Variants in HDHD5 observed in about 807,000 individuals in gnomAD.
HDHD5 encodes haloacid dehalogenase like hydrolase domain containing 5.
In HDHD5, 34 loss-of-function variants were observed where a neutral mutation model predicts 35.5. That is an observed-to-expected ratio of 0.96 (90% CI 0.73 to 1.28). The LOEUF (loss-of-function observed/expected upper bound fraction) is 1.28, where lower values mean the gene tolerates loss of function less well. HDHD5 is among the 50% of genes most tolerant of loss of function. HDHD5 has a pLI of 0.00. For synonymous variants in HDHD5, 248 were observed against 240.6 expected, an observed-to-expected ratio of 1.03 and a Z score of -0.29; for missense variants, 589 against 560.2, an observed-to-expected ratio of 1.05 and a Z score of -0.52.
intron 1 of HDHD5, among the ~76,000 whole-genome samples, chr22:17,154,490 T>A (rs2061762542): frequency 6.6e-6 from 1 of 151,144 alleles, no homozygotes; most frequent in South Asian, 2.1e-4. Context: ...AAAAAATAAA[T>A]AAATAAAAAC....
upstream of HDHD5, chr22:17,159,286 G>GCC (rs746678755): frequency 0.02 from 20,193 of 1,035,200 alleles, 285 homozygotes; most frequent in African/African-American, 0.028. Flanking sequence ...ACGGCGTGCG[G>GCC]CCCCCCCCCC....
In HDHD5 at chr22:17,138,338, C is replaced by T. The variant is rs142416632; in HGVS notation, c.955G>A (p.Val319Ile). ...YAVGDNPMSD[V>I]YGANLFHQYL... ...TGGTGGAACAGGTTGGCGCCGTATA[C>T]GTCAGACATAGGGTTATCACTGGCA... Residue 319 changes from valine to isoleucine, a missense_variant, in exon 8 of 8, where the codon GTA (valine) becomes ATA (isoleucine). By Grantham distance (29) the Val-to-Ile change is conservative. Transcript: ENST00000336737. The T allele has an allele frequency of 5.6e-5, 91 of 1,613,546 alleles. No homozygotes were observed. The highest frequency in any genetic ancestry group is 3.6e-4 in the South Asian group (33 of 91,060).
Position 17,137,686 on chromosome 22 carries a change from A to C in HDHD5, c.*335T>G. The C allele has an allele frequency of 3.4e-6, 1 of 290,992 alleles. No individual in the cohort carries two copies. The highest frequency in any genetic ancestry group is 1.1e-3 in the Middle Eastern group (1 of 922). The allele number at this position is 290,992 out of a possible 1,614,324, so 18.0% of individuals were successfully genotyped here. A position where few individuals can be genotyped will look rare whatever the true frequency, so the allele number is the denominator to read the frequency against. Reference sequence around the variant, plus strand: ...AAGGCTCTGCACAGACATCCACAGTATTCCACACTGCCTCCCCCATTTCAG... The same window carrying C: ...AAGGCTCTGCACAGACATCCACAGTCTTCCACACTGCCTCCCCCATTTCAG... On this transcript the variant is annotated 3_prime_UTR_variant, in exon 8 of 8. Coordinates refer to ENST00000336737, the MANE Select transcript of HDHD5 (RefSeq NM_033070.3).
chr22:17,150,300 G>C (rs1311878040), intron 1 of HDHD5, among the ~76,000 whole-genome samples: 1 of 151,902 alleles, frequency 6.6e-6, no homozygotes, highest in Non-Finnish European at 1.5e-5. Flanking sequence ...TTTTATTATA[G>C]CAAAAAGTTA....
Position 17,154,431 on chromosome 22 carries a change from A to G in HDHD5, c.127-4686T>C, listed in dbSNP as rs370601041. On this transcript the variant is annotated intron_variant, in intron 1 of 7. Coordinates refer to ENST00000336737, the MANE Select transcript of HDHD5 (RefSeq NM_033070.3). ...GAGATGGTGTTTGCAGTAAGCCAAG[A>G]TCACATCGTTGCACTCCAGCCTGGG... Among the ~76,000 whole-genome samples, 42 of 151,910 alleles carry G rather than the reference A, an allele frequency of 2.8e-4. No homozygotes were observed. In the East Asian group the frequency reaches 7.8e-3, roughly 28 times the overall value.
chr22:17,148,324 G>T, intron 3 of HDHD5, 124 bp downstream of exon 3: 2 of 787,590 alleles, frequency 2.5e-6, no homozygotes, highest in Non-Finnish European at 2.2e-6. Context: ...CCTCCCCTGA[G>T]CCCACAACAT....
chr22:17,160,676 A>G (rs900890041), upstream of HDHD5, among the ~76,000 whole-genome samples: 21 of 151,806 alleles, frequency 1.4e-4, no homozygotes, highest in African/African-American at 4.6e-4. Context: ...TAATAATAAT[A>G]ATAAAATGAA....
At chr22:17,145,231 G>A (rs1426746733) in intron 3 of HDHD5, 114 bp from the exon 4 acceptor site, 32 of 1,523,012 alleles carry the variant, frequency 2.1e-5, no homozygotes, top group Non-Finnish European at 2.7e-5. Context: ...CCAGGCAGGA[G>A]GGCACCAAGC....
chr22:17,153,803 T>C (rs1015258346), intron 1 of HDHD5, among the ~76,000 whole-genome samples: 5 of 152,066 alleles, frequency 3.3e-5, no homozygotes, highest in African/African-American at 1.2e-4. Flanking sequence ...AAAGGATAAA[T>C]GGTTAGGGAG....
chr22:17,156,672 A>G (rs1415309951), intron 1 of HDHD5, among the ~76,000 whole-genome samples: 1 of 151,532 alleles, frequency 6.6e-6, no homozygotes, highest in East Asian at 1.9e-4. Flanking sequence ...GTTACTCCGG[A>G]GGCTGAGGCA....
At chr22:17,146,516 A>G (rs2061665521) in intron 3 of HDHD5, among the ~76,000 whole-genome samples, 1 of 136,936 alleles carries the variant, frequency 7.3e-6, no homozygotes, top group East Asian at 2.2e-4. Flanking sequence ...CCGGCCTTCA[A>G]TCACACGTCA....
At position 17,137,949 on chromosome 22, in the gene HDHD5, T is replaced by C; in HGVS notation, c.*72A>G. The C allele has an allele frequency of 7.5e-7, 1 of 1,327,578 alleles. No individual in the cohort carries two copies. Among genetic ancestry groups the C allele is most frequent in the Non-Finnish European group, 1.0e-6 (1 of 961,766 alleles). 82.2% of individuals were successfully genotyped at this position (1,327,578 alleles called of 1,614,324 possible). ...CCAAGCCCTGACCTGAGCCCAGTGATCAGGCCAGAGCCCAGCCAATGGGAC... is the reference window on the plus strand; with the variant it reads ...CCAAGCCCTGACCTGAGCCCAGTGACCAGGCCAGAGCCCAGCCAATGGGAC... On this transcript the variant is annotated 3_prime_UTR_variant, in exon 8 of 8. Transcript: ENST00000336737.
In HDHD5 at chr22:17,141,206, CGG is replaced by C; in HGVS notation, c.597_598del (p.Arg200LeufsTer44). Reference sequence around the variant, plus strand: ...GATCAGCTGCAGGCTGGTCTCCCAGCGGACCGGCTCCCCTAGGAGGAGCACCC... The same window carrying C: ...GATCAGCTGCAGGCTGGTCTCCCAGCACCGGCTCCCCTAGGAGGAGCACCC... On this transcript the variant is annotated frameshift_variant, in exon 6 of 8. Coordinates refer to ENST00000336737, the MANE Select transcript of HDHD5 (RefSeq NM_033070.3). LOFTEE classifies it high-confidence loss of function. 6.3e-7 allele frequency: 1 copy of C among 1,596,528 alleles called. No individual in the cohort carries two copies. Among genetic ancestry groups the C allele is most frequent in the South Asian group, 1.1e-5 (1 of 88,548 alleles).
intron 6 of HDHD5, among the ~76,000 whole-genome samples, chr22:17,140,090 A>G (rs1175100601): frequency 6.6e-6 from 1 of 152,000 alleles, no homozygotes; most frequent in Admixed American, 6.6e-5. Flanking sequence ...AGCATACCAT[A>G]CCCCGTCTCT....
At chr22:17,161,650 T>C (rs1215936017), upstream of HDHD5, among the ~76,000 whole-genome samples, 1 of 151,488 alleles carries the variant, frequency 6.6e-6, no homozygotes, top group African/African-American at 2.4e-5. Flanking sequence ...GGTGGATCAC[T>C]TGAGTCCAGG....
At chr22:17,144,782 C>A (rs1051915532) in intron 4 of HDHD5, among the ~76,000 whole-genome samples, 1 of 152,000 alleles carries the variant, frequency 6.6e-6, no homozygotes, top group Non-Finnish European at 1.5e-5. Flanking sequence ...AACTCCTGGG[C>A]TCAAACAGTC....
chr22:17,137,809 A>C lies in HDHD5; in HGVS notation c.*212T>G. ...AAAGGCACGTGGGAACTGGGCCCAGAAAATTCCAACCGTTCCATACAAAAT... is the reference window on the plus strand; with the variant it reads ...AAAGGCACGTGGGAACTGGGCCCAGCAAATTCCAACCGTTCCATACAAAAT... On this transcript the variant is annotated 3_prime_UTR_variant, in exon 8 of 8. Transcript: ENST00000336737. The C allele has an allele frequency of 7.2e-6, 4 of 557,238 alleles. No individual in the cohort carries two copies. The highest frequency in any genetic ancestry group is 1.3e-5 in the Non-Finnish European group (4 of 312,864). The allele number at this position is 557,238 out of a possible 1,614,324, so 34.5% of individuals were successfully genotyped here. A position where few individuals can be genotyped will look rare whatever the true frequency, so the allele number is the denominator to read the frequency against.
At chr22:17,143,059 GA>G (rs2061616467) in intron 5 of HDHD5, 38 bp downstream of exon 5, 1 of 1,604,106 alleles carries the variant, frequency 6.2e-7, no homozygotes, top group Non-Finnish European at 8.5e-7. Context: ...AGGAGACGGA[GA>G]AAAGACCTCA....
intron 1 of HDHD5, among the ~76,000 whole-genome samples, chr22:17,153,049 G>A (rs551383662): frequency 6.1e-4 from 93 of 152,126 alleles, no homozygotes; most frequent in South Asian, 1.0e-3. Flanking sequence ...AGCCCCACAC[G>A]CCACACAGGA....
Sources: allele counts gnomAD v4.1 joint callset (sites outside exome capture counted in the v4.1 genomes callset), GRCh38; gene constraint gnomAD v4.1.1; transcripts MANE v1.5; gene names NCBI Gene and HGNC (gene_info 2026-07-23, HGNC 2026-07-21).